The following CDK5RAP2 variants were observed in gnomAD, a reference collection of about 807,000 sequenced individuals.
CDK5RAP2 encodes the protein CDK5 regulatory subunit associated protein 2, also known as CDK5 regulatory subunit-associated protein 2.
In CDK5RAP2, 147 loss-of-function variants were observed where a neutral mutation model predicts 232.9. The observed-to-expected ratio is 0.63, with a 90% confidence interval of 0.55 to 0.72. CDK5RAP2 has a LOEUF of 0.72. CDK5RAP2 is among the 30% of genes least tolerant of loss of function. The probability of loss-of-function intolerance (pLI) is 0.00; values close to 1 mark genes in which losing one functional copy is unlikely to be tolerated. For synonymous variants in CDK5RAP2, 833 were observed against 833.7 expected (o/e 1.00, Z 0.01); for missense variants, 2,195 against 2,231.5 (o/e 0.98, Z 0.33).
At chr9:120,483,206 A>G (rs540436270) in intron 14 of CDK5RAP2, among the ~76,000 whole-genome samples, 1 of 152,318 alleles carries the variant, frequency 6.6e-6, no homozygotes, top group East Asian at 1.9e-4. Flanking sequence ...CAGCCCTTGG[A>G]GTGACCACCC....
chr9:120,457,323 C>T (rs1380109792), intron 20 of CDK5RAP2, among the ~76,000 whole-genome samples: 1 of 152,206 alleles, frequency 6.6e-6, no homozygotes, highest in Non-Finnish European at 1.5e-5. Context: ...CAGCCCACTG[C>T]ACTCTCCCTG....
intron 7 of CDK5RAP2, among the ~76,000 whole-genome samples, chr9:120,533,054 C>T (rs2041224909): frequency 6.6e-6 from 1 of 152,206 alleles, no homozygotes; most frequent in Non-Finnish European, 1.5e-5. Flanking sequence ...CCTCACCCAA[C>T]TCGCAGGACT....
In CDK5RAP2 at chr9:120,539,023, C is replaced by T. The variant is rs2041514080; in HGVS notation, c.507+18G>A. The T allele has an allele frequency of 6.2e-7, 1 of 1,613,466 alleles. No individual in the cohort carries two copies. The highest frequency in any genetic ancestry group is 8.5e-7 in the Non-Finnish European group (1 of 1,179,484). Reference sequence around the variant, plus strand: ...CCCACTATAAGAAATACACTGCCCTCAGGATTTCCAGACTTGCCTTTTCCA... The same window carrying T: ...CCCACTATAAGAAATACACTGCCCTTAGGATTTCCAGACTTGCCTTTTCCA... On this transcript the variant is annotated intron_variant, in intron 6 of 37. Transcript: ENST00000349780.
chr9:120,558,275 A>G (rs2042315083), intron 3 of CDK5RAP2, among the ~76,000 whole-genome samples: 1 of 138,430 alleles, frequency 7.2e-6, no homozygotes, highest in Non-Finnish European at 1.5e-5. Context: ...CCGGAGGCTG[A>G]GGCAGGAGAA....
rs995999528 is a variant in CDK5RAP2 at position 120,484,969 on chromosome 9, C to G, written c.1626+2325G>C. 2.0e-5 allele frequency among the ~76,000 whole-genome samples: 3 copies of G among 151,966 alleles called. No homozygotes were observed. The East Asian group carries it at 5.8e-4, about 29-fold the overall frequency. The stretch of plus-strand genomic sequence containing the variant: ...CAACTCCTGGCCTCAAGCAATCCTC[C>G]TGTCTCAGCCTCCCACAATGCTAGG... On this transcript the variant is annotated intron_variant, in intron 14 of 37. Transcript: ENST00000349780.
At position 120,389,356 on chromosome 9, in the gene CDK5RAP2, C is replaced by T. The variant is rs1051613861; in HGVS notation, c.5626-64G>A. 332 of 1,305,716 alleles carry T rather than the reference C, an allele frequency of 2.5e-4. 1 individual carries two copies. Among genetic ancestry groups the T allele is most frequent in the South Asian group, 1.3e-3 (101 of 80,574 alleles). The allele number at this position is 1,305,716 out of a possible 1,614,324, so 80.9% of individuals were successfully genotyped here. A position where few individuals can be genotyped will look rare whatever the true frequency, so the allele number is the denominator to read the frequency against. Reference sequence around the variant, plus strand: ...AAAGGAGGTTTCTGAAGTAAGACCCCGACAGAGGTGAAAGCGAGACTGTTA... The same window carrying T: ...AAAGGAGGTTTCTGAAGTAAGACCCTGACAGAGGTGAAAGCGAGACTGTTA... On this transcript the variant is annotated intron_variant, in intron 37 of 37. Transcript: ENST00000349780.
intron 14 of CDK5RAP2, 33 bp downstream of exon 14, chr9:120,487,261 C>T (rs781732077): frequency 4.3e-6 from 7 of 1,612,092 alleles, no homozygotes; most frequent in African/African-American, 1.3e-5. Flanking sequence ...TGAATCCATT[C>T]GCATGTGAAT....
intron 36 of CDK5RAP2, among the ~76,000 whole-genome samples, chr9:120,393,616 C>T (rs1588213415): frequency 6.6e-6 from 1 of 152,332 alleles, no homozygotes; most frequent in Middle Eastern, 3.4e-3. Context: ...GCCATGTTGC[C>T]AACAGGCACT....
At chr9:120,435,020 TC>T (rs2035494950) in intron 25 of CDK5RAP2, among the ~76,000 whole-genome samples, 1 of 152,202 alleles carries the variant, frequency 6.6e-6, no homozygotes, top group South Asian at 2.1e-4. Flanking sequence ...TTATACATAT[TC>T]AAAAAATTAA....
At position 120,394,503 on chromosome 9, in the gene CDK5RAP2, C is replaced by T. The variant is rs746570860; in HGVS notation, c.5578+9G>A. The T allele has an allele frequency of 1.2e-5, 19 of 1,613,908 alleles. No homozygotes were observed. In the South Asian group the frequency reaches 2.1e-4, roughly 18 times the overall value. ...GTCAGGCATAGCGGCCACCCCCACA[C>T]TCACTCACATTGATCAAAGATGACT... On this transcript the variant is annotated intron_variant, in intron 36 of 37. Transcript: ENST00000349780.
At chr9:120,415,777 A>C (rs1588275333) in intron 27 of CDK5RAP2, among the ~76,000 whole-genome samples, 2 of 151,394 alleles carry the variant, frequency 1.3e-5, no homozygotes, top group East Asian at 3.9e-4. Flanking sequence ...TCTTTTACCA[A>C]ATAATTCAAC....
intron 3 of CDK5RAP2, among the ~76,000 whole-genome samples, chr9:120,566,391 C>A (rs562766469): frequency 2.1e-3 from 317 of 152,228 alleles, no homozygotes; most frequent in Non-Finnish European, 3.5e-3. Context: ...CAAAGGACTA[C>A]AGTCATAAAG....
intron 13 of CDK5RAP2, 35 bp downstream of exon 13, chr9:120,491,272 C>CA (rs1213140411): frequency 6.5e-7 from 1 of 1,534,808 alleles, no homozygotes; most frequent in Non-Finnish European, 9.0e-7. Context: ...CAACCCATGC[C>CA]AAATTAAAAA....
chr9:120,529,041 T>C (rs1413916782), intron 8 of CDK5RAP2: 1 of 572,942 alleles, frequency 1.7e-6, no homozygotes. Context: ...TAAACCACAG[T>C]GCTGCTTAAC....
chr9:120,437,207 G>A (rs1262235264), intron 25 of CDK5RAP2, 88 bp downstream of exon 25: 8 of 916,580 alleles, frequency 8.7e-6, no homozygotes, highest in Non-Finnish European at 1.4e-5. Context: ...GATAACTAAG[G>A]CCAAGGAGTT....
At chr9:120,567,003 C>T (rs2132166891) in intron 3 of CDK5RAP2, among the ~76,000 whole-genome samples, 1 of 152,286 alleles carries the variant, frequency 6.6e-6, no homozygotes, top group African/African-American at 2.4e-5. Flanking sequence ...TGCAGAGCCG[C>T]TTTAATATTA....
rs1011281798 is a variant in CDK5RAP2 at position 120,471,852 on chromosome 9, T to G, written c.1754A>C (p.Asn585Thr). ...TTGCTTCCGCAGGGCAAAAATCTTG[T>G]TTAACTCAGCCTGCAGGTTGTTGAT... The part of the protein sequence containing the change: ...DSINNLQAEL[N>T]KIFALRKQLE... The change falls in exon 16 of 38, where the codon AAC becomes ACC. Residue 585 changes from asparagine to threonine, a missense_variant. By Grantham distance (65) the Asn-to-Thr change is moderately conservative. Transcript: ENST00000349780. The G allele has an allele frequency of 2.5e-6, 4 of 1,614,020 alleles. No homozygotes were observed. In the African/African-American group the frequency reaches 5.3e-5, roughly 22 times the overall value.
chr9:120,523,473 A>G (rs1343972209), intron 11 of CDK5RAP2, among the ~76,000 whole-genome samples: 1 of 152,244 alleles, frequency 6.6e-6, no homozygotes, highest in Non-Finnish European at 1.5e-5. Context: ...CATTTCATCA[A>G]CCACTGTCAA....
At chr9:120,395,050 T>C (rs544353247) in intron 35 of CDK5RAP2, among the ~76,000 whole-genome samples, 1 of 152,362 alleles carries the variant, frequency 6.6e-6, no homozygotes, top group African/African-American at 2.4e-5. Flanking sequence ...GATTTCAGTA[T>C]AGATCTGGAT....
Sources: allele counts gnomAD v4.1 joint callset (sites outside exome capture counted in the v4.1 genomes callset), GRCh38; gene constraint gnomAD v4.1.1; transcripts MANE v1.5; gene names NCBI Gene and HGNC (gene_info 2026-07-23, HGNC 2026-07-21).